Variants in AHRR observed in about 807,000 individuals in gnomAD.
AHRR encodes aryl hydrocarbon receptor repressor.
A neutral mutation model predicts 44.0 loss-of-function variants in AHRR; 28 were observed. That is an observed-to-expected ratio of 0.64 (90% CI 0.47 to 0.87). The LOEUF (loss-of-function observed/expected upper bound fraction) is 0.87, where lower values mean the gene tolerates loss of function less well. AHRR is among the 40% of genes least tolerant of loss of function. AHRR has a pLI of 0.00. For synonymous variants in AHRR, 434 were observed against 407.0 expected (o/e 1.07, Z -0.80); for missense variants, 990 against 953.9 (o/e 1.04, Z -0.50).
intron 4 of AHRR, among the ~76,000 whole-genome samples, chr5:409,624 C>G (rs1735392885): frequency 6.6e-6 from 1 of 150,982 alleles, no homozygotes; most frequent in Non-Finnish European, 1.5e-5. Flanking sequence ...GGTAAAGTAT[C>G]TGTGCAAACG....
At chr5:397,334 T>C (rs372382266) in intron 4 of AHRR, among the ~76,000 whole-genome samples, 30 of 97,426 alleles carry the variant, frequency 3.1e-4, no homozygotes, top group Middle Eastern at 8.5e-3. Context: ...TGACCATCCA[T>C]GTAGCCCCTG....
At chr5:396,145 G>A (rs575006894) in intron 4 of AHRR, among the ~76,000 whole-genome samples, 5 of 152,254 alleles carry the variant, frequency 3.3e-5, no homozygotes, top group South Asian at 4.1e-4. Flanking sequence ...ATGACAAGGC[G>A]GCAACCCAGA....
intron 1 of AHRR, among the ~76,000 whole-genome samples, chr5:333,836 G>C (rs1255620811): frequency 1.3e-5 from 2 of 152,080 alleles, no homozygotes; most frequent in Admixed American, 6.5e-5. Flanking sequence ...ATATACTTTT[G>C]TGTGTTTCCA....
At chr5:420,014 C>T (rs1378849940) in intron 5 of AHRR, among the ~76,000 whole-genome samples, 2 of 152,240 alleles carry the variant, frequency 1.3e-5, no homozygotes, top group Non-Finnish European at 2.9e-5. Context: ...ACTTCTCACA[C>T]GCTGCATCCT....
intron 4 of AHRR, among the ~76,000 whole-genome samples, chr5:399,645 G>T (rs1026230872): frequency 6.6e-6 from 1 of 152,190 alleles, no homozygotes; most frequent in South Asian, 2.1e-4. Context: ...ACTCGCCAAG[G>T]GTTCGCAGCA....
chr5:415,681 G>A (rs964610365), intron 5 of AHRR, among the ~76,000 whole-genome samples: 1 of 147,182 alleles, frequency 6.8e-6, no homozygotes, highest in Non-Finnish European at 1.5e-5. Context: ...GCCTGGTCGG[G>A]CGGGAGGCCT....
rs1743521838 is a variant in AHRR, at chr5:370,166, G to T, written c.245-6444G>T. 1.6e-5 allele frequency among the ~76,000 whole-genome samples: 2 copies of T among 123,382 alleles called. No homozygotes were observed. The highest frequency in any genetic ancestry group is 6.2e-5 in the African/African-American group (2 of 32,376). 80.9% of individuals were successfully genotyped at this position (123,382 alleles called of 152,430 possible). A position where few individuals can be genotyped will look rare whatever the true frequency, so the allele number is the denominator to read the frequency against. Reference sequence around the variant, plus strand: ...TGCCCCGTCCTCCCGGGCCCTCGCTGGAAGCCCCGTCCTCCCGGGCCCTCG... The same window carrying T: ...TGCCCCGTCCTCCCGGGCCCTCGCTTGAAGCCCCGTCCTCCCGGGCCCTCG... On this transcript the variant is annotated intron_variant, in intron 3 of 10. Transcript: ENST00000684583. The surrounding 1 kb of genome is among the most constrained non-coding windows in gnomAD (Gnocchi z 4.5).
Position 343,487 on chromosome 5 carries a change from A to ACCCCGCG in AHRR, c.-10-406_-10-405insCCCCGCG, listed in dbSNP as rs1560883307. 4.0e-3 allele frequency: 908 copies of ACCCCGCG among 227,132 alleles called. 88 individuals are homozygous for ACCCCGCG. Among genetic ancestry groups the ACCCCGCG allele is most frequent in the African/African-American group, 0.014 (576 of 42,348 alleles). 14.1% of individuals were successfully genotyped at this position (227,132 alleles called of 1,614,324 possible). A position where few individuals can be genotyped will look rare whatever the true frequency, so the allele number is the denominator to read the frequency against. ...TTCTCGGGGGTGACGGGAACACGGG[A>ACCCCGCG]TCCCGCGTGACGAGTGTTTGGAGGC... is the stretch of plus-strand genomic sequence containing the variant. On this transcript the variant is annotated intron_variant, in intron 1 of 10. Coordinates refer to ENST00000684583, the MANE Select transcript of AHRR (RefSeq NM_001377236.1).
intron 6 of AHRR, among the ~76,000 whole-genome samples, chr5:423,285 A>G (rs1736217686): frequency 6.6e-6 from 1 of 152,152 alleles, no homozygotes; most frequent in Non-Finnish European, 1.5e-5. Context: ...GCCCCTTTTC[A>G]CAGAAGACCC....
At chr5:402,137 G>A (rs142094020) in intron 4 of AHRR, among the ~76,000 whole-genome samples, 8 of 152,276 alleles carry the variant, frequency 5.3e-5, no homozygotes, top group Non-Finnish European at 1.0e-4. Flanking sequence ...CCAGGAAAAG[G>A]ACCTGATAGA....
chr5:335,989 C>T (rs1197587456), intron 1 of AHRR, among the ~76,000 whole-genome samples: 1 of 152,212 alleles, frequency 6.6e-6, no homozygotes, highest in Admixed American at 6.5e-5. Context: ...CAGTCCAAGT[C>T]CAAGTTTCCC....
At chr5:420,128 C>T (rs543309715) in intron 5 of AHRR, among the ~76,000 whole-genome samples, 4 of 152,334 alleles carry the variant, frequency 2.6e-5, no homozygotes, top group South Asian at 4.1e-4. Flanking sequence ...GCGGCAGAAC[C>T]GTGCAGTTCC....
At chr5:420,849 G>GACCCACGCACGCAGCC (rs1736062022) in intron 5 of AHRR, 1 of 315,324 alleles carries the variant, frequency 3.2e-6, no homozygotes, top group Non-Finnish European at 6.2e-6. Context: ...AGCACGCACA[G>GACCCACGCACGCAGCC]ACCCACGCAC....
chr5:406,744 A>G lies in AHRR; in HGVS notation c.352-6600A>G, dbSNP rs1735275420. 6.6e-6 allele frequency among the ~76,000 whole-genome samples: 1 copy of G among 152,202 alleles called. No individual in the cohort carries two copies. Among genetic ancestry groups the G allele is most frequent in the African/African-American group, 2.4e-5 (1 of 41,452 alleles). ...GATAAAATAATAGCAATTAACTTCC[A>G]TCTGTGTTATAAAAGCATGGGCCAC... is the stretch of plus-strand genomic sequence containing the variant. On this transcript the variant is annotated intron_variant, in intron 4 of 10. Transcript: ENST00000684583. The surrounding 1 kb of genome is among the most constrained non-coding windows in gnomAD (Gnocchi z 4.7).
At chr5:393,958 A>G (rs1372338736) in intron 4 of AHRR, among the ~76,000 whole-genome samples, 1 of 152,048 alleles carries the variant, frequency 6.6e-6, no homozygotes, top group Non-Finnish European at 1.5e-5. Context: ...GGTGGTCGAG[A>G]GTTTTGTGGC....
At chr5:397,869 T>C (rs1363826801) in intron 4 of AHRR, among the ~76,000 whole-genome samples, 1 of 53,130 alleles carries the variant, frequency 1.9e-5, no homozygotes, top group African/African-American at 1.3e-4. Flanking sequence ...TGACCATCCC[T>C]GTTAGCCCCT....
At chr5:355,368 T>G (rs770109430) in intron 3 of AHRR, among the ~76,000 whole-genome samples, 40 of 152,166 alleles carry the variant, frequency 2.6e-4, no homozygotes, top group Admixed American at 1.3e-4. Flanking sequence ...ACGCCTTTCA[T>G]GGATGGCGCA....
Position 338,494 on chromosome 5 carries a change from T to C in AHRR, c.-10-5399T>C, listed in dbSNP as rs1167711745. 6.6e-6 allele frequency among the ~76,000 whole-genome samples: 1 copy of C among 152,224 alleles called. No individual in the cohort carries two copies. The highest frequency in any genetic ancestry group is 1.5e-5 in the Non-Finnish European group (1 of 68,038). On this transcript the variant is annotated intron_variant, in intron 1 of 10. Transcript: ENST00000684583. The surrounding 1 kb of genome is among the most constrained non-coding windows in gnomAD (Gnocchi z 4.1). ...ACCTTCTTGTTTCTGATGAGGAATCTGCTGTCATCTTATTTTTGATCCTTT... is the reference window on the plus strand; with the variant it reads ...ACCTTCTTGTTTCTGATGAGGAATCCGCTGTCATCTTATTTTTGATCCTTT...
At chr5:416,537 G>T (rs906541926) in intron 5 of AHRR, among the ~76,000 whole-genome samples, 1 of 152,248 alleles carries the variant, frequency 6.6e-6, no homozygotes, top group Non-Finnish European at 1.5e-5. Flanking sequence ...TGCGCCCTGT[G>T]AGAGGGGACC....
Sources: allele counts gnomAD v4.1 joint callset (sites outside exome capture counted in the v4.1 genomes callset), GRCh38; gene constraint gnomAD v4.1.1; non-coding constraint Gnocchi (gnomAD v3.1); transcripts MANE v1.5; gene names NCBI Gene and HGNC (gene_info 2026-07-23, HGNC 2026-07-21).